The following GOLM2 variants were observed in gnomAD, a reference collection of about 807,000 sequenced individuals.
The protein encoded by GOLM2 is golgi membrane protein 2, also known as protein GOLM2.
A neutral mutation model predicts 55.9 loss-of-function variants in GOLM2; 26 were observed. The ratio of observed to expected loss-of-function variants is 0.47; its 90% CI spans 0.34 to 0.65. GOLM2 has a LOEUF of 0.65. GOLM2 is among the 30% of genes least tolerant of loss of function. GOLM2 has a pLI of 0.01. For synonymous variants in GOLM2, 165 were observed against 194.6 expected (o/e 0.85, Z 1.27); for missense variants, 486 against 531.8 (o/e 0.91, Z 0.85).
chr15:44,373,260 A>G (rs2079341037), intron 6 of GOLM2, among the ~76,000 whole-genome samples: 1 of 151,826 alleles, frequency 6.6e-6, no homozygotes, highest in South Asian at 2.1e-4. Flanking sequence ...GATGGAGACC[A>G]TCCTGGCTAA....
intron 6 of GOLM2, among the ~76,000 whole-genome samples, chr15:44,375,063 G>A (rs1238511514): frequency 1.3e-5 from 2 of 151,934 alleles, no homozygotes; most frequent in African/African-American, 4.8e-5. Flanking sequence ...CATTGCCCAG[G>A]CTAGAGTGCA....
chr15:44,316,934 T>A (rs1286106543), intron 1 of GOLM2, among the ~76,000 whole-genome samples: 1 of 151,422 alleles, frequency 6.6e-6, no homozygotes, highest in African/African-American at 2.4e-5. Flanking sequence ...TACAATGAAC[T>A]GAGATTGTGC....
chr15:44,307,004 A>G (rs117235694), intron 1 of GOLM2, among the ~76,000 whole-genome samples: 1 of 152,296 alleles, frequency 6.6e-6, no homozygotes, highest in East Asian at 1.9e-4. Flanking sequence ...GAAAATTTTG[A>G]AATATTTTGA....
intron 8 of GOLM2, among the ~76,000 whole-genome samples, chr15:44,381,610 G>T (rs913493347): frequency 6.6e-6 from 1 of 152,084 alleles, no homozygotes; most frequent in Admixed American, 6.6e-5. Flanking sequence ...GCTTCAGTTT[G>T]TCTTTGGTTT....
At chr15:44,334,344 T>C (rs1227545160) in intron 4 of GOLM2, among the ~76,000 whole-genome samples, 1 of 152,220 alleles carries the variant, frequency 6.6e-6, no homozygotes, top group Non-Finnish European at 1.5e-5. Flanking sequence ...TAGAGACAAA[T>C]CCAATGTTAG....
At chr15:44,332,867 G>A (rs986740365) in intron 4 of GOLM2, among the ~76,000 whole-genome samples, 1 of 152,018 alleles carries the variant, frequency 6.6e-6, no homozygotes, top group South Asian at 2.1e-4. Context: ...AAGTTAATAT[G>A]TATTATGAAG....
intron 6 of GOLM2, among the ~76,000 whole-genome samples, chr15:44,340,970 G>A (rs76981704): frequency 0.047 from 7,145 of 151,932 alleles, 274 homozygotes; most frequent in East Asian, 0.19. Context: ...AGCAACAGTT[G>A]GCTACCTGCA....
At chr15:44,371,168 A>G (rs1049791369) in intron 6 of GOLM2, among the ~76,000 whole-genome samples, 4 of 152,176 alleles carry the variant, frequency 2.6e-5, no homozygotes, top group African/African-American at 9.6e-5. Flanking sequence ...TCAGCAGGCC[A>G]AACTCTGATG....
At chr15:44,362,420 C>A (rs1477408333) in intron 6 of GOLM2, among the ~76,000 whole-genome samples, 1 of 150,274 alleles carries the variant, frequency 6.7e-6, no homozygotes. Context: ...AGAGCCAAAT[C>A]ATGAGTGAAC....
chr15:44,401,778 T>G (rs1355549919), intron 8 of GOLM2, among the ~76,000 whole-genome samples: 3 of 152,122 alleles, frequency 2.0e-5, no homozygotes, highest in Admixed American at 2.0e-4. Context: ...AATGTCTAAT[T>G]GTTGAATAGT....
chr15:44,345,741 C>A (rs188477334), intron 6 of GOLM2: 7 of 152,042 alleles, frequency 4.6e-5, no homozygotes, highest in Non-Finnish European at 1.0e-4. Flanking sequence ...TTGGGGGAAA[C>A]CCTCTATAGG....
At chr15:44,400,574 C>CT (rs59386038) in intron 8 of GOLM2, among the ~76,000 whole-genome samples, 1,678 of 110,970 alleles carry the variant, frequency 0.015, 161 homozygotes, top group Non-Finnish European at 0.02. Context: ...GCCTTGCCGC[C>CT]TTTTTTTTTT....
At chr15:44,346,927 C>T (rs576940602) in intron 6 of GOLM2, among the ~76,000 whole-genome samples, 23 of 151,624 alleles carry the variant, frequency 1.5e-4, no homozygotes, top group African/African-American at 5.1e-4. Context: ...GCCAGGAGTT[C>T]GAGGCTTGGG....
At chr15:44,391,094 C>T (rs2079484915) in intron 8 of GOLM2, among the ~76,000 whole-genome samples, 1 of 152,142 alleles carries the variant, frequency 6.6e-6, no homozygotes, top group Non-Finnish European at 1.5e-5. Context: ...GAATAGGTAT[C>T]AAAAGTTCCC....
intron 2 of GOLM2, among the ~76,000 whole-genome samples, chr15:44,325,478 C>G (rs1000116601): frequency 6.6e-6 from 1 of 152,140 alleles, no homozygotes; most frequent in Non-Finnish European, 1.5e-5. Context: ...TAAAATCATA[C>G]TAAGCCTCAG....
At chr15:44,404,159 C>CA (rs771743394) in intron 9 of GOLM2, among the ~76,000 whole-genome samples, 4 of 152,102 alleles carry the variant, frequency 2.6e-5, no homozygotes, top group Non-Finnish European at 4.4e-5. Flanking sequence ...GTGTGTGATA[C>CA]ATTACATTTT....
At chr15:44,369,238 G>A (rs898893482) in intron 6 of GOLM2, among the ~76,000 whole-genome samples, 1 of 141,136 alleles carries the variant, frequency 7.1e-6, no homozygotes, top group African/African-American at 2.6e-5. Context: ...GTGTGTGTTT[G>A]TATGTGTGTA....
chr15:44,297,546 A>T (rs2078764715), intron 1 of GOLM2, among the ~76,000 whole-genome samples: 1 of 146,824 alleles, frequency 6.8e-6, no homozygotes, highest in Non-Finnish European at 1.5e-5. Context: ...TATATTTATT[A>T]TACCAATTTT....
At chr15:44,331,918 T>C (rs2079024541) in intron 3 of GOLM2, 70 bp from the exon 4 acceptor site, 4 of 1,089,958 alleles carry the variant, frequency 3.7e-6, no homozygotes, top group Non-Finnish European at 5.6e-6. Context: ...TATGTATGTG[T>C]CAACTTCTGG....
Sources: gnomAD v4.1 joint callset for allele counts (sites outside exome capture counted in the v4.1 genomes callset) on GRCh38, gnomAD v4.1.1 for gene constraint, MANE v1.5 for transcripts, NCBI Gene and HGNC (gene_info 2026-07-23, HGNC 2026-07-21) for gene names.